The following PHYKPL variants were observed in gnomAD, a reference collection of about 807,000 sequenced individuals.
PHYKPL encodes 5-phosphohydroxy-L-lysine phospho-lyase, also known as 5-phosphonooxy-L-lysine phospho-lyase.
A neutral mutation model predicts 51.3 loss-of-function variants in PHYKPL; 42 were observed. The observed-to-expected ratio is 0.82, with a 90% CI of 0.64 to 1.06. The LOEUF is 1.06. Ranked by LOEUF, PHYKPL falls within the 50% of genes least tolerant of loss-of-function variation. The pLI is 0.00. For missense variants in PHYKPL, 655 were observed against 586.6 expected (o/e 1.12, Z -1.20); for synonymous variants, 264 against 236.0 (o/e 1.12, Z -1.09).
At chr5:178,212,118 G>T in intron 11 of PHYKPL, 148 bp from the exon 12 acceptor site, 2 of 769,028 alleles carry the variant, frequency 2.6e-6, no homozygotes, top group Non-Finnish European at 4.3e-6. Context: ...AGGGGTGGCA[G>T]CAGTTTCCTG....
intron 10 of PHYKPL, among the ~76,000 whole-genome samples, chr5:178,213,852 C>T (rs1362891779): frequency 1.3e-5 from 2 of 152,184 alleles, no homozygotes; most frequent in African/African-American, 4.8e-5. Context: ...GTTAGACGGC[C>T]CTGGGGCCAG....
chr5:178,207,774 C>T (rs1757148828), downstream of PHYKPL, among the ~76,000 whole-genome samples: 1 of 144,756 alleles, frequency 6.9e-6, no homozygotes, highest in Non-Finnish European at 1.5e-5. Flanking sequence ...ACAATCATGG[C>T]TCACTGCAAC....
chr5:178,210,917 AC>A (rs1466291692), intron 12 of PHYKPL: 2 of 439,248 alleles, frequency 4.6e-6, no homozygotes, highest in Non-Finnish European at 8.2e-6. Flanking sequence ...TGCAGCCTGG[AC>A]CTGTGGACCC....
At position 178,214,812 on chromosome 5, in the gene PHYKPL, C is replaced by A. The variant is rs762658037; in HGVS notation, c.1156G>T (p.Ala386Ser). 1.2e-6 allele frequency: 2 copies of A among 1,613,956 alleles called. No homozygotes were observed. Among genetic ancestry groups the A allele is most frequent in the Admixed American group, 3.3e-5 (2 of 60,022 alleles). Reference protein sequence around the residue: ...ATRTPATEEAAYLVSRLKENY... With the variant: ...ATRTPATEEASYLVSRLKENY... ...AGAAAATACCTTGATACCAAGTAGG[C>A]AGCCTCTTCAGTTGCTGGTGTCCTT... is the stretch of plus-strand genomic sequence containing the variant. The change falls in exon 10 of 13, where the codon GCC (alanine) becomes TCC (serine). Residue 386 changes from alanine (A) to serine (S), a missense_variant. By Grantham distance (99) the Ala-to-Ser change is moderately conservative. Transcript: ENST00000308158.
chr5:178,212,845 C>A, intron 11 of PHYKPL, 128 bp downstream of exon 11: 2 of 1,324,312 alleles, frequency 1.5e-6, no homozygotes, highest in Non-Finnish European at 2.0e-6. Flanking sequence ...TTGCTCCCTG[C>A]CCTGTCCAGA....
In PHYKPL at chr5:178,232,722, T is replaced by G; in HGVS notation, c.-172A>C. The G allele has an allele frequency of 1.4e-6, 1 of 696,850 alleles. No individual in the cohort carries two copies. 43.2% of individuals were successfully genotyped at this position (696,850 alleles called of 1,614,324 possible). ...GCGTTGCGGTGGTTCATTTCTTCGC[T>G]TGCCCACTGGGCCTGGCAGCCTTCC... On this transcript the variant is annotated 5_prime_UTR_variant, in exon 1 of 13. Coordinates refer to ENST00000308158, the MANE Select transcript of PHYKPL (RefSeq NM_153373.4).
rs1762997733 is a variant in PHYKPL at position 178,229,708 on chromosome 5, T to C, written c.338+232A>G. 3 of 478,718 alleles carry C rather than the reference T, an allele frequency of 6.3e-6. No individual in the cohort carries two copies. The East Asian group carries it at 1.0e-4, about 16-fold the overall frequency. 29.7% of individuals were successfully genotyped at this position (478,718 alleles called of 1,614,324 possible). On this transcript the variant is annotated intron_variant, in intron 3 of 12. Coordinates refer to ENST00000308158, the MANE Select transcript of PHYKPL (RefSeq NM_153373.4). ...AAAGGAACATATTACCTCACTAAGC[T>C]CCAGCAATGATCCTAGAAAGGAGGT...
chr5:178,225,203 T>C (rs1178436851), intron 4 of PHYKPL, 152 bp downstream of exon 4: 2 of 838,020 alleles, frequency 2.4e-6, no homozygotes, highest in South Asian at 1.7e-5. Flanking sequence ...CTCTGGGAGG[T>C]CTCAGGCCTG....
chr5:178,213,244 C>G, intron 10 of PHYKPL, 141 bp from the exon 11 acceptor site: 1 of 1,157,330 alleles, frequency 8.6e-7, no homozygotes, highest in Non-Finnish European at 1.2e-6. Flanking sequence ...CTGGTCACCT[C>G]TCCCAGAGTC....
At chr5:178,214,684 C>T in intron 10 of PHYKPL, 112 bp downstream of exon 10, 1 of 953,896 alleles carries the variant, frequency 1.0e-6, no homozygotes, top group South Asian at 1.5e-5. Flanking sequence ...TCAATCAAGT[C>T]TGTGGCCCAG....
At position 178,222,925 on chromosome 5, in the gene PHYKPL, A is replaced by T. The variant is rs1232073075; in HGVS notation, c.628T>A (p.Phe210Ile). 1.9e-6 allele frequency: 3 copies of T among 1,613,998 alleles called. No homozygotes were observed. Among genetic ancestry groups the T allele is most frequent in the Non-Finnish European group, 1.7e-6 (2 of 1,180,010 alleles). Reference protein sequence around the residue: ...AQEKGRKIAAFFAESLPSVGG... With the variant: ...AQEKGRKIAAIFAESLPSVGG... ...ACACTGGGCAGAGACTCAGCGAAGA[A>T]GGCTGCAATCTGTGAAGAGATGGAC... The change falls in exon 7 of 13, where the codon TTC becomes ATC. Residue 210 changes from phenylalanine (F) to isoleucine (I), a missense_variant. Phe to Ile is a conservative substitution (Grantham distance 21). Transcript: ENST00000308158.
At chr5:178,227,480 T>A (rs989980872) in intron 3 of PHYKPL, among the ~76,000 whole-genome samples, 2 of 151,952 alleles carry the variant, frequency 1.3e-5, no homozygotes, top group Non-Finnish European at 2.9e-5. Context: ...ATGTACTGAG[T>A]CTTGAGGGAG....
chr5:178,220,645 A>G (rs551874332), intron 8 of PHYKPL, among the ~76,000 whole-genome samples: 3 of 152,206 alleles, frequency 2.0e-5, no homozygotes, highest in South Asian at 4.2e-4. Flanking sequence ...CCTCAGGTAC[A>G]GTCCTAAGAA....
At chr5:178,230,237 C>A in intron 2 of PHYKPL, 138 bp from the exon 3 acceptor site, 1 of 1,065,800 alleles carries the variant, frequency 9.4e-7, no homozygotes, top group Non-Finnish European at 1.4e-6. Flanking sequence ...AGTCTGAAGG[C>A]AGAGCAGGGA....
chr5:178,210,104 G>A lies in PHYKPL; in HGVS notation c.*32-1189C>T, dbSNP rs747544038. On this transcript the variant is annotated intron_variant, in intron 12 of 12. Coordinates refer to ENST00000308158, the MANE Select transcript of PHYKPL (RefSeq NM_153373.4). ...CTCCTGCGTATGCTAAATGGTCCACGGGCCCCTGTGCCCTGCTCCCCCCAC... is the reference window on the plus strand; with the variant it reads ...CTCCTGCGTATGCTAAATGGTCCACAGGCCCCTGTGCCCTGCTCCCCCCAC... 4.3e-6 allele frequency: 7 copies of A among 1,611,472 alleles called. 1 individual carries two copies. Among genetic ancestry groups the A allele is most frequent in the South Asian group, 3.3e-5 (3 of 90,918 alleles).
chr5:178,224,567 G>C lies in PHYKPL; in HGVS notation c.502-3C>G, dbSNP rs372884373. On this transcript the variant is annotated splice_polypyrimidine_tract_variant and splice_region_variant and intron_variant, in intron 5 of 12. Transcript: ENST00000308158. ...CGGTAGGTGTCTGGGAGAGGTGCCT[G>C]TGGGGAGTGACAGCGCCATGTTATC... The C allele has an allele frequency of 2.3e-5, 37 of 1,614,088 alleles. No homozygotes were observed. The highest frequency in any genetic ancestry group is 3.1e-5 in the Non-Finnish European group (37 of 1,179,992).
intron 8 of PHYKPL, among the ~76,000 whole-genome samples, chr5:178,219,474 G>T (rs1371171966): frequency 6.7e-6 from 1 of 148,658 alleles, no homozygotes; most frequent in African/African-American, 2.5e-5. Flanking sequence ...TTTTCTTTGA[G>T]ATGGAGTCTC....
At chr5:178,219,611 G>A (rs899974532) in intron 8 of PHYKPL, among the ~76,000 whole-genome samples, 66 of 151,786 alleles carry the variant, frequency 4.3e-4, no homozygotes, top group African/African-American at 6.8e-4. Context: ...CACCACGCCC[G>A]GCTAATTTTT....
At chr5:178,219,465 T>C (rs1760659143) in intron 8 of PHYKPL, among the ~76,000 whole-genome samples, 3 of 151,836 alleles carry the variant, frequency 2.0e-5, no homozygotes, top group Non-Finnish European at 2.9e-5. Context: ...TTTTTTTTTT[T>C]TTCTTTGAGA....
Sources: gnomAD v4.1 joint callset for allele counts (sites outside exome capture counted in the v4.1 genomes callset) on GRCh38, gnomAD v4.1.1 for gene constraint, MANE v1.5 for transcripts, NCBI Gene and HGNC (gene_info 2026-07-23, HGNC 2026-07-21) for gene names.